ZNF536: variants seen among roughly 807,000 people sequenced by gnomAD.
ZNF536 encodes zinc finger protein 536.
Under a neutral mutation model 84.5 loss-of-function variants are expected in ZNF536, and 13 were observed. The observed-to-expected ratio is 0.15, with a 90% CI of 0.10 to 0.24. The LOEUF is 0.24. Ranked by LOEUF, ZNF536 falls within the 10% of genes least tolerant of loss-of-function variation. The pLI is 1.00. For synonymous variants in ZNF536, 811 were observed against 742.5 expected (o/e 1.09, Z -1.50); for missense variants, 1,536 against 1,747.5 (o/e 0.88, Z 2.16).
chr19:30,674,548 C>T lies in ZNF536; in HGVS notation c.170-36209C>T, dbSNP rs575617160. 6.6e-4 allele frequency among the ~76,000 whole-genome samples: 101 copies of T among 152,300 alleles called. No individual in the cohort carries two copies. In the South Asian group the frequency reaches 0.021, roughly 31 times the overall value. ...GAAGGAAACCAATGGAGTGTATGCC[C>T]TCAATCCAGGTGGGCAGTTGGAGTT... On this transcript the variant is annotated intron_variant, in intron 1 of 1. Coordinates refer to the ZNF536 transcript ENST00000592773.
chr19:30,443,682 C>A lies in ZNF536; in HGVS notation c.120C>A (p.Thr40=), dbSNP rs61742740. Residue 40 remains threonine (T), a synonymous_variant, in exon 2 of 5, where the codon ACC becomes ACA. Coordinates refer to ENST00000355537, the MANE Select transcript of ZNF536 (RefSeq NM_014717.3). Reference sequence around the variant, plus strand: ...TGAGTCAGAAGCTGCACCAGATCACCTCCCAGCTCAGCCATGCCTTCCCCG... The same window carrying A: ...TGAGTCAGAAGCTGCACCAGATCACATCCCAGCTCAGCCATGCCTTCCCCG... ...YAMSQKLHQI[T]SQLSHAFPEL... 6.2e-7 allele frequency: 1 copy of A among 1,613,936 alleles called. No homozygotes were observed. The highest frequency in any genetic ancestry group is 8.5e-7 in the Non-Finnish European group (1 of 1,179,988).
intron 1 of ZNF536, among the ~76,000 whole-genome samples, chr19:30,412,186 G>GT (rs1331341983): frequency 6.6e-6 from 1 of 151,932 alleles, no homozygotes; most frequent in Non-Finnish European, 1.5e-5. Context: ...AATAATGACA[G>GT]TTTTGCCTAG....
rs187899088 is a variant in ZNF536 at position 30,508,366 on chromosome 19, G to A, written c.2171-26481G>A. Among the ~76,000 whole-genome samples the A allele has an allele frequency of 2.4e-4, 36 of 152,346 alleles. 1 individual carries two copies. In the East Asian group the frequency reaches 6.7e-3, roughly 29 times the overall value. ...GGAAACAAGGGCTATGGCTGTAGAG[G>A]ATGGGGAGGACCTTTCTTCTGGTCA... On this transcript the variant is annotated intron_variant, in intron 2 of 4. Coordinates refer to ENST00000355537, the MANE Select transcript of ZNF536 (RefSeq NM_014717.3).
intron 1 of ZNF536, among the ~76,000 whole-genome samples, chr19:30,431,713 G>A (rs1211036009): frequency 6.6e-6 from 1 of 152,198 alleles, no homozygotes; most frequent in East Asian, 1.9e-4. Flanking sequence ...GGGAGGTGTA[G>A]CCTGATGTCT....
intron 2 of ZNF536, among the ~76,000 whole-genome samples, chr19:30,299,517 G>T (rs946390218): frequency 5.9e-5 from 9 of 152,164 alleles, no homozygotes; most frequent in African/African-American, 2.2e-4. Context: ...TCAAAAGCCA[G>T]AAGAGTCCAG....
intron 2 of ZNF536, among the ~76,000 whole-genome samples, chr19:30,329,838 G>A (rs1264233625): frequency 2.0e-5 from 3 of 152,152 alleles, no homozygotes; most frequent in Non-Finnish European, 4.4e-5. Context: ...TCTACACTTG[G>A]TGGGGGGATA....
chr19:30,280,686 G>T (rs573869722), intron 1 of ZNF536, among the ~76,000 whole-genome samples: 1 of 152,342 alleles, frequency 6.6e-6, no homozygotes, highest in East Asian at 1.9e-4. Context: ...GATGCTGGGG[G>T]TACCCCGTCT....
chr19:30,444,378 G>A lies in ZNF536; in HGVS notation c.816G>A (p.Ala272=), dbSNP rs771193514. 1.9e-5 allele frequency: 30 copies of A among 1,604,602 alleles called. No homozygotes were observed. In the East Asian group the frequency reaches 4.5e-4, roughly 24 times the overall value. The change falls in exon 2 of 5, where the codon GCG becomes GCA. Residue 272 remains alanine (A), a synonymous_variant. Coordinates refer to ENST00000355537, the MANE Select transcript of ZNF536 (RefSeq NM_014717.3). The stretch of plus-strand genomic sequence containing the variant: ...AGGAGGACGCGGTGGCCCCGGCGGC[G>A]GGCTTCCGCTGTACCTTCTGCAAGG... ...SVQEDAVAPA[A]GFRCTFCKGK... is the part of the protein sequence containing the mutation.
At chr19:30,349,432 CA>C (rs1312341422) in intron 2 of ZNF536, among the ~76,000 whole-genome samples, 2 of 152,174 alleles carry the variant, frequency 1.3e-5, no homozygotes, top group African/African-American at 2.4e-5. Flanking sequence ...AGTTAACTTC[CA>C]AGGTACAGTC....
chr19:30,693,061 C>T (rs2051482337), intron 1 of ZNF536, among the ~76,000 whole-genome samples: 1 of 150,352 alleles, frequency 6.7e-6, no homozygotes, highest in Admixed American at 6.6e-5. Context: ...TGTGTGTATA[C>T]GTGTGCAGCG....
intron 2 of ZNF536, among the ~76,000 whole-genome samples, chr19:30,463,818 G>C (rs951332019): frequency 6.6e-6 from 1 of 152,114 alleles, no homozygotes; most frequent in Non-Finnish European, 1.5e-5. Flanking sequence ...GAGCGTGGGG[G>C]TTTGAGATGG....
intron 1 of ZNF536, among the ~76,000 whole-genome samples, chr19:30,256,079 C>T (rs533359066): frequency 9.5e-4 from 144 of 152,346 alleles, no homozygotes; most frequent in Non-Finnish European, 1.7e-3. Context: ...GCCCAAGTTT[C>T]TCTCTCCTTT....
intron 1 of ZNF536, among the ~76,000 whole-genome samples, chr19:30,623,890 ATGAATGAG>A (rs2048580559): frequency 6.6e-6 from 1 of 152,244 alleles, no homozygotes; most frequent in South Asian, 2.1e-4. Flanking sequence ...TTTTGTATAA[ATGAATGAG>A]TGAATGACTA....
intron 1 of ZNF536, among the ~76,000 whole-genome samples, chr19:30,570,421 G>C (rs947326145): frequency 7.2e-5 from 11 of 152,204 alleles, no homozygotes; most frequent in African/African-American, 2.7e-4. Flanking sequence ...CCGGGAGCCA[G>C]CCTTTTCTTC....
chr19:30,347,459 G>A (rs1406189587), intron 2 of ZNF536, among the ~76,000 whole-genome samples: 2 of 152,206 alleles, frequency 1.3e-5, no homozygotes, highest in South Asian at 2.1e-4. Context: ...ACTGCTCATC[G>A]TATCCACCCA....
intron 1 of ZNF536, among the ~76,000 whole-genome samples, chr19:30,621,054 C>G (rs184599421): frequency 1.3e-5 from 2 of 152,128 alleles, no homozygotes; most frequent in East Asian, 3.9e-4. Context: ...TAGAAAATAA[C>G]TGCTCTGATA....
At chr19:30,614,461 C>CG (rs2048212068) in intron 1 of ZNF536, among the ~76,000 whole-genome samples, 1 of 78,468 alleles carries the variant, frequency 1.3e-5, no homozygotes, top group Non-Finnish European at 2.5e-5. Flanking sequence ...TGGGCGGGGG[C>CG]GGGGGAGAGA....
At chr19:30,330,755 T>C in intron 2 of ZNF536, among the ~76,000 whole-genome samples, 1 of 152,212 alleles carries the variant, frequency 6.6e-6, no homozygotes, top group East Asian at 1.9e-4. Context: ...GCCAGGGAAC[T>C]TCGAGGCATT....
At chr19:30,623,164 C>G (rs1242376254) in intron 1 of ZNF536, among the ~76,000 whole-genome samples, 1 of 151,358 alleles carries the variant, frequency 6.6e-6, no homozygotes, top group Non-Finnish European at 1.5e-5. Flanking sequence ...AACAGCAAAT[C>G]TGCAGACTGC....
Sources: allele counts gnomAD v4.1 joint callset (sites outside exome capture counted in the v4.1 genomes callset), GRCh38; gene constraint gnomAD v4.1.1; transcripts MANE v1.5; gene names NCBI Gene and HGNC (gene_info 2026-07-23, HGNC 2026-07-21).